LRP1B: variants seen among roughly 807,000 people sequenced by gnomAD.
The protein encoded by LRP1B is low-density lipoprotein receptor-related protein 1B.
LRP1B carries 217 observed loss-of-function variants against 556.6 expected under a neutral mutation model. That is an observed-to-expected ratio of 0.39 (90% CI 0.35 to 0.44). LRP1B has a LOEUF of 0.44. LRP1B is among the 20% of genes least tolerant of loss of function. The pLI is 1.00. For missense variants in LRP1B, 5,053 were observed against 5,620.8 expected (o/e 0.90, Z 3.23); for synonymous variants, 2,047 against 1,865.8 (o/e 1.10, Z -2.50).
chr2:140,373,720 G>A (rs1238757465), intron 68 of LRP1B, among the ~76,000 whole-genome samples: 4 of 152,220 alleles, frequency 2.6e-5, no homozygotes, highest in Admixed American at 6.5e-5. Flanking sequence ...TGTAGTGCGC[G>A]ATGATGGGCA....
chr2:141,774,484 A>T (rs969745555), intron 2 of LRP1B, among the ~76,000 whole-genome samples: 4 of 152,126 alleles, frequency 2.6e-5, no homozygotes, highest in Non-Finnish European at 4.4e-5. Context: ...TTCATGAGGG[A>T]TCTGCTCCCA....
chr2:141,070,512 A>T (rs187291839), intron 7 of LRP1B, among the ~76,000 whole-genome samples: 137 of 152,218 alleles, frequency 9.0e-4, no homozygotes, highest in African/African-American at 3.2e-3. Context: ...ATCAGAACAG[A>T]ACTGAAGGAA....
chr2:140,476,105 G>A (rs942695674), intron 59 of LRP1B, among the ~76,000 whole-genome samples: 5 of 151,980 alleles, frequency 3.3e-5, no homozygotes, highest in African/African-American at 7.2e-5. Flanking sequence ...TATTACACCC[G>A]ATAAAATGCA....
At chr2:140,247,038 A>G in intron 87 of LRP1B, 48 bp downstream of exon 87, 1 of 1,314,220 alleles carries the variant, frequency 7.6e-7, no homozygotes, top group Non-Finnish European at 1.1e-6. Context: ...CATAACAATG[A>G]TTTATATACA....
intron 2 of LRP1B, among the ~76,000 whole-genome samples, chr2:141,578,512 A>G (rs776444155): frequency 1.3e-5 from 2 of 152,144 alleles, no homozygotes; most frequent in Non-Finnish European, 2.9e-5. Flanking sequence ...TGTGTATTCC[A>G]TTAGGCCTTA....
At chr2:141,514,832 A>G (rs1255653315) in intron 2 of LRP1B, among the ~76,000 whole-genome samples, 3 of 148,092 alleles carry the variant, frequency 2.0e-5, no homozygotes, top group Non-Finnish European at 4.5e-5. Context: ...ACTGGATACT[A>G]TCCTGAAAGT....
chr2:140,624,427 G>A (rs1474709750), intron 41 of LRP1B, among the ~76,000 whole-genome samples: 1 of 152,100 alleles, frequency 6.6e-6, no homozygotes, highest in Non-Finnish European at 1.5e-5. Context: ...TATTTTTCTA[G>A]CATCAAATGT....
At chr2:141,710,816 A>G (rs1692331069) in intron 2 of LRP1B, among the ~76,000 whole-genome samples, 3 of 152,224 alleles carry the variant, frequency 2.0e-5, no homozygotes, top group African/African-American at 7.2e-5. Context: ...GGTCATCTCG[A>G]CATTCATTAA....
intron 1 of LRP1B, among the ~76,000 whole-genome samples, chr2:142,061,597 T>C (rs1384283088): frequency 1.3e-5 from 2 of 151,992 alleles, no homozygotes; most frequent in Non-Finnish European, 2.9e-5. Flanking sequence ...CATTATTCAA[T>C]GTATGCAGAA....
At chr2:140,359,832 C>G (rs529033755) in intron 72 of LRP1B, among the ~76,000 whole-genome samples, 1 of 151,506 alleles carries the variant, frequency 6.6e-6, no homozygotes, top group Non-Finnish European at 1.5e-5. Context: ...TCGTCTTACC[C>G]CTTGTTCTCA....
At chr2:140,711,210 A>AC (rs1264390283) in intron 37 of LRP1B, among the ~76,000 whole-genome samples, 2 of 151,988 alleles carry the variant, frequency 1.3e-5, no homozygotes, top group East Asian at 3.9e-4. Flanking sequence ...ACAATTACAC[A>AC]CCATTTATTT....
chr2:140,969,651 A>G (rs1466618848), intron 18 of LRP1B, among the ~76,000 whole-genome samples: 2 of 152,118 alleles, frequency 1.3e-5, no homozygotes, highest in Non-Finnish European at 2.9e-5. Context: ...TGTTTTTTGC[A>G]GTGTCTGGTA....
At chr2:140,511,384 C>G (rs1176258435) in intron 51 of LRP1B, among the ~76,000 whole-genome samples, 1 of 135,342 alleles carries the variant, frequency 7.4e-6, no homozygotes, top group African/African-American at 2.8e-5. Context: ...TCAATGCAAG[C>G]TCCGCCTCCC....
At chr2:140,639,994 GT>G (rs1368198502) in intron 41 of LRP1B, among the ~76,000 whole-genome samples, 2 of 151,978 alleles carry the variant, frequency 1.3e-5, no homozygotes, top group Non-Finnish European at 2.9e-5. Flanking sequence ...ATGCTACATT[GT>G]TTTTTGTTTG....
At chr2:141,120,605 T>C (rs184546363) in intron 7 of LRP1B, among the ~76,000 whole-genome samples, 2 of 152,128 alleles carry the variant, frequency 1.3e-5, no homozygotes, top group Admixed American at 6.6e-5. Flanking sequence ...GATCGAACAT[T>C]GACAAATTCA....
chr2:140,694,782 T>C (rs1343980851), intron 41 of LRP1B, among the ~76,000 whole-genome samples: 1 of 152,104 alleles, frequency 6.6e-6, no homozygotes, highest in Non-Finnish European at 1.5e-5. Context: ...TAATTTCTTA[T>C]TAATGAATTA....
At position 141,644,393 on chromosome 2, in the gene LRP1B, G is replaced by A. The variant is rs547793579; in HGVS notation, c.206-163860C>T. 1.8e-4 allele frequency among the ~76,000 whole-genome samples: 27 copies of A among 152,086 alleles called. No homozygotes were observed. In the East Asian group the frequency reaches 3.3e-3, roughly 19 times the overall value. On this transcript the variant is annotated intron_variant, in intron 2 of 90. Coordinates refer to ENST00000389484, the MANE Select transcript of LRP1B (RefSeq NM_018557.3). ...ATGTAAGAAGTGCCTTTTGCCTTCCGCCATGATAGTGAGGGCGCCCAGCCA... is the reference window on the plus strand; with the variant it reads ...ATGTAAGAAGTGCCTTTTGCCTTCCACCATGATAGTGAGGGCGCCCAGCCA...
intron 1 of LRP1B, among the ~76,000 whole-genome samples, chr2:141,955,095 T>C (rs1701210755): frequency 1.3e-5 from 2 of 152,150 alleles, no homozygotes; most frequent in South Asian, 4.1e-4. Flanking sequence ...CTGAAGCCAC[T>C]GCATATCCTT....
At chr2:141,598,026 A>G (rs971812076) in intron 2 of LRP1B, among the ~76,000 whole-genome samples, 1 of 152,100 alleles carries the variant, frequency 6.6e-6, no homozygotes, top group Non-Finnish European at 1.5e-5. Context: ...TGTAACACAC[A>G]CAGAGCCGTG....
Sources: allele counts gnomAD v4.1 joint callset (sites outside exome capture counted in the v4.1 genomes callset), GRCh38; gene constraint gnomAD v4.1.1; transcripts MANE v1.5; gene names NCBI Gene and HGNC (gene_info 2026-07-23, HGNC 2026-07-21).